TRMU: variants seen among roughly 807,000 people sequenced by gnomAD.
TRMU encodes mitochondrial tRNA-specific 2-thiouridylase 1.
Under a neutral mutation model 46.9 loss-of-function variants are expected in TRMU, and 49 were observed. The ratio of observed to expected loss-of-function variants is 1.05; its 90% CI spans 0.83 to 1.33. The LOEUF is 1.33. Ranked by LOEUF, TRMU falls within the 40% of genes most tolerant of loss-of-function variation. The pLI is 0.00. For missense variants in TRMU, 572 were observed against 532.4 expected, an observed-to-expected ratio of 1.07 and a Z score of -0.73; for synonymous variants, 241 against 200.9, an observed-to-expected ratio of 1.20 and a Z score of -1.69.
chr22:46,335,788 G>A lies in TRMU; in HGVS notation c.24G>A (p.Val8=). The change falls in exon 1 of 11, where the codon GTG becomes GTA. Residue 8 remains valine (V), a synonymous_variant. Coordinates refer to ENST00000645190, the MANE Select transcript of TRMU (RefSeq NM_018006.5). MQALRHV[V]CALSGGVDSA... ...GGATGCAGGCCTTGCGGCACGTCGTGTGCGCCCTGTCCGGCGGCGTGGACA... is the reference window on the plus strand; with the variant it reads ...GGATGCAGGCCTTGCGGCACGTCGTATGCGCCCTGTCCGGCGGCGTGGACA... The A allele has an allele frequency of 1.9e-6, 3 of 1,559,890 alleles. No homozygotes were observed. Among genetic ancestry groups the A allele is most frequent in the Non-Finnish European group, 2.6e-6 (3 of 1,157,380 alleles).
At position 46,351,661 on chromosome 22, in the gene TRMU, C is replaced by T. The variant is rs533448073; in HGVS notation, c.652-460C>T. ...CCCCTGATGGGGCCACGGTGGAGAG[C>T]GCACGCCACCCAGGCTCCCCAGCTA... On this transcript the variant is annotated intron_variant, in intron 5 of 10. Transcript: ENST00000645190. The surrounding 1 kb of genome is among the most constrained non-coding windows in gnomAD (Gnocchi z 6.4). The T allele has an allele frequency of 1.1e-3, 327 of 290,084 alleles. 1 individual carries two copies. Among genetic ancestry groups the T allele is most frequent in the Non-Finnish European group, 1.8e-3 (265 of 148,030 alleles). 18.0% of individuals were successfully genotyped at this position (290,084 alleles called of 1,614,324 possible).
chr22:46,353,703 A>T, intron 7 of TRMU, 64 bp from the exon 8 acceptor site: 3 of 1,488,284 alleles, frequency 2.0e-6, no homozygotes, highest in South Asian at 2.3e-5. Flanking sequence ...TGCCTTCATG[A>T]TGAGGCGTGA....
rs1569060343 is a variant in TRMU, at chr22:46,337,856, TG to T, written c.161del (p.Cys54LeufsTer11). ...EHGVCTADKD[C>X]EDAYRVCQIL... ...TGGGGTCTGTACTGCCGACAAAGACTGTGAAGATGCTTACAGAGTTTGCCAG... is the reference window on the plus strand; with the variant it reads ...TGGGGTCTGTACTGCCGACAAAGACTTGAAGATGCTTACAGAGTTTGCCAG... On this transcript the variant is annotated frameshift_variant, in exon 2 of 11. Coordinates refer to ENST00000645190, the MANE Select transcript of TRMU (RefSeq NM_018006.5). LOFTEE classifies it high-confidence loss of function. The T allele has an allele frequency of 6.2e-7, 1 of 1,614,240 alleles. No homozygotes were observed. Among genetic ancestry groups the T allele is most frequent in the South Asian group, 1.1e-5 (1 of 91,092 alleles).
At chr22:46,355,409 C>T (rs1373395406) in intron 8 of TRMU, 35 bp from the exon 9 acceptor site, 5 of 1,608,166 alleles carry the variant, frequency 3.1e-6, no homozygotes, top group Non-Finnish European at 4.2e-6. Context: ...GCCAGGTGCC[C>T]CTCGGCGTCC....
Position 46,349,031 on chromosome 22 carries a change from C to T in TRMU, c.479-1260C>T, listed in dbSNP as rs1348432507. On this transcript the variant is annotated intron_variant, in intron 4 of 10. Transcript: ENST00000645190. The surrounding 1 kb of genome is among the most constrained non-coding windows in gnomAD (Gnocchi z 4.6). ...GCACATGCCTGTAGTCCCAGGTACT[C>T]TGGAGGCTGAGACAGGAGAATCACT... is the stretch of plus-strand genomic sequence containing the variant. 6.6e-6 allele frequency among the ~76,000 whole-genome samples: 1 copy of T among 151,710 alleles called. No individual in the cohort carries two copies. The highest frequency in any genetic ancestry group is 1.5e-5 in the Non-Finnish European group (1 of 67,964).
Position 46,351,564 on chromosome 22 carries a change from G to A in TRMU, c.652-557G>A, listed in dbSNP as rs2078426008. ...TCTCCTCTTGTTTTCCGTTTCCGGT[G>A]TCGCTCTGTGGTGGGAGCCGCAGGG... is the stretch of plus-strand genomic sequence containing the variant. On this transcript the variant is annotated intron_variant, in intron 5 of 10. Transcript: ENST00000645190. This position sits in a 1 kb window ranked among gnomAD's most constrained non-coding sequence, Gnocchi z 6.4. 5.2e-6 allele frequency: 1 copy of A among 191,010 alleles called. No homozygotes were observed. The highest frequency in any genetic ancestry group is 5.3e-5 in the Admixed American group (1 of 18,806). The allele number at this position is 191,010 out of a possible 1,614,324, so 11.8% of individuals were successfully genotyped here.
intron 3 of TRMU, among the ~76,000 whole-genome samples, chr22:46,345,554 C>T (rs1163276980): frequency 6.6e-6 from 1 of 152,156 alleles, no homozygotes; most frequent in Non-Finnish European, 1.5e-5. Flanking sequence ...CCTATAATTT[C>T]ACTCTCAGAA....
rs925670480 is a variant in TRMU at position 46,351,534 on chromosome 22, CCTCCT to C, written c.652-579_652-575del. 3.1e-5 allele frequency: 6 copies of C among 190,838 alleles called. No homozygotes were observed. In the Middle Eastern group the frequency reaches 9.9e-3, roughly 315 times the overall value. The allele number at this position is 190,838 out of a possible 1,614,324, so 11.8% of individuals were successfully genotyped here. A position where few individuals can be genotyped will look rare whatever the true frequency, so the allele number is the denominator to read the frequency against. On this transcript the variant is annotated intron_variant, in intron 5 of 10. Transcript: ENST00000645190. The surrounding 1 kb of genome is among the most constrained non-coding windows in gnomAD (Gnocchi z 6.4). ...CCTGAAGAGCACGCCCACCGCCCGTCCTCCTCTCCTCTTGTTTTCCGTTTCCGGTG... is the reference window on the plus strand; with the variant it reads ...CCTGAAGAGCACGCCCACCGCCCGTCCTCCTCTTGTTTTCCGTTTCCGGTG...
At chr22:46,352,385 C>T (rs2078458377) in intron 7 of TRMU, 55 bp downstream of exon 7, 2 of 1,596,210 alleles carry the variant, frequency 1.3e-6, no homozygotes, top group African/African-American at 2.7e-5. Flanking sequence ...TGTGGCGTTT[C>T]AGCTCTGGGA....
intron 7 of TRMU, chr22:46,353,062 G>A (rs1015364393): frequency 3.7e-5 from 6 of 162,130 alleles, no homozygotes; most frequent in African/African-American, 1.4e-4. Flanking sequence ...CTCTTGTGGA[G>A]GGGAGACGGC....
intron 2 of TRMU, among the ~76,000 whole-genome samples, 156 bp from the exon 3 acceptor site, chr22:46,343,106 C>T (rs2078164125): frequency 6.6e-6 from 1 of 152,086 alleles, no homozygotes; most frequent in Non-Finnish European, 1.5e-5. Context: ...AGGTTATAAA[C>T]AAATGTTCGA....
intron 2 of TRMU, among the ~76,000 whole-genome samples, chr22:46,341,934 T>G (rs1389998375): frequency 6.6e-6 from 1 of 152,206 alleles, no homozygotes; most frequent in Non-Finnish European, 1.5e-5. Context: ...CATGGAGCCC[T>G]TGTGTAGGGA....
At position 46,353,894 on chromosome 22, in the gene TRMU, A is replaced by C. The variant is rs747074536; in HGVS notation, c.873+27A>C. The C allele has an allele frequency of 1.9e-6, 3 of 1,607,396 alleles. No homozygotes were observed. In the South Asian group the frequency reaches 3.3e-5, roughly 18 times the overall value. ...TGAGTGGGCCGGCCTCTGAGACAGC[A>C]CTGGGGCTGGTTCTGGCAGGGCCAG... On this transcript the variant is annotated intron_variant, in intron 8 of 10. Transcript: ENST00000645190.
Position 46,335,734 on chromosome 22 carries a change from G to A in TRMU, c.-31G>A. 6.5e-7 allele frequency: 1 copy of A among 1,542,168 alleles called. No homozygotes were observed. Among genetic ancestry groups the A allele is most frequent in the Non-Finnish European group, 8.7e-7 (1 of 1,147,184 alleles). On this transcript the variant is annotated 5_prime_UTR_variant, in exon 1 of 11. Transcript: ENST00000645190. ...CCGGCAAGGCGCGGAAGCGGCGGTA[G>A]CTGCAGCTGGCGAAGTTGGGCGACT...
Position 46,357,325 on chromosome 22 carries a change from CATT to C in TRMU, c.*323_*325del, listed in dbSNP as rs1174822106. 1 of 451,728 alleles carries C rather than the reference CATT, an allele frequency of 2.2e-6. No individual in the cohort carries two copies. Among genetic ancestry groups the C allele is most frequent in the South Asian group, 2.1e-5 (1 of 47,992 alleles). The allele number at this position is 451,728 out of a possible 1,614,324, so 28.0% of individuals were successfully genotyped here. ...GGCTGTCGGGACAGCGTGGAATAAA[CATT>C]ATTTCAAGGACACATAGTCTGATCG... On this transcript the variant is annotated 3_prime_UTR_variant, in exon 11 of 11. Coordinates refer to ENST00000645190, the MANE Select transcript of TRMU (RefSeq NM_018006.5).
chr22:46,350,863 G>T lies in TRMU; in HGVS notation c.651+400G>T, dbSNP rs2078399531. ...CATGTGCCCTGTCACCCGCTTGCCC[G>T]GCACAGACTCGTTCGGTGCCATCTG... On this transcript the variant is annotated intron_variant, in intron 5 of 10. Transcript: ENST00000645190. This position sits in a 1 kb window ranked among gnomAD's most constrained non-coding sequence, Gnocchi z 4.6. Among the ~76,000 whole-genome samples, 1 of 152,202 alleles carries T rather than the reference G, an allele frequency of 6.6e-6. No individual in the cohort carries two copies. Among genetic ancestry groups the T allele is most frequent in the Non-Finnish European group, 1.5e-5 (1 of 68,036 alleles).
rs1555898591 is a variant in TRMU at position 46,350,387 on chromosome 22, T to G, written c.575T>G (p.Leu192Arg). The change falls in exon 5 of 11, where the codon CTG becomes CGG. Residue 192 changes from leucine to arginine, a missense_variant. Physicochemically the swap from Leu to Arg is moderately radical, Grantham distance 102. Transcript: ENST00000645190. The surrounding 1 kb of genome is among the most constrained non-coding windows in gnomAD (Gnocchi z 4.6). ...GCCCTGAGGAGAACCATCTTCCCTC[T>G]GGGGGGATTAACGAAAGAGTTTGTA... is the stretch of plus-strand genomic sequence containing the variant. The part of the protein sequence containing the change: ...QDALRRTIFP[L>R]GGLTKEFVKK... 13 of 1,614,198 alleles carry G rather than the reference T, an allele frequency of 8.1e-6. No individual in the cohort carries two copies. Among genetic ancestry groups the G allele is most frequent in the Non-Finnish European group, 1.0e-5 (12 of 1,180,034 alleles).
At chr22:46,352,845 C>T (rs543802963) in intron 7 of TRMU, 1 of 260,702 alleles carries the variant, frequency 3.8e-6, no homozygotes, top group Non-Finnish European at 7.5e-6. Flanking sequence ...GGGACAGGCT[C>T]CGAGTCAGTC....
In TRMU at chr22:46,357,011, G is replaced by A; in HGVS notation, c.*5G>A. ...GGCCTGAGTCCCTTGCTCTGACAGA[G>A]ATGGATCTGCTAGAAGGAACCTGGA... is the stretch of plus-strand genomic sequence containing the variant. On this transcript the variant is annotated 3_prime_UTR_variant, in exon 11 of 11. Coordinates refer to ENST00000645190, the MANE Select transcript of TRMU (RefSeq NM_018006.5). 6.2e-7 allele frequency: 1 copy of A among 1,613,450 alleles called. No homozygotes were observed. The highest frequency in any genetic ancestry group is 8.5e-7 in the Non-Finnish European group (1 of 1,180,010).
Sources: gnomAD v4.1 joint callset for allele counts (sites outside exome capture counted in the v4.1 genomes callset) on GRCh38, gnomAD v4.1.1 for gene constraint, Gnocchi (gnomAD v3.1) non-coding constraint, MANE v1.5 for transcripts, NCBI Gene and HGNC (gene_info 2026-07-23, HGNC 2026-07-21) for gene names.